The following RGS12 variants were observed in gnomAD, a reference collection of about 807,000 sequenced individuals.
RGS12 encodes the protein regulator of G-protein signaling 12.
In RGS12, 66 loss-of-function variants were observed where a neutral mutation model predicts 120.1. The observed-to-expected ratio is 0.55, with a 90% CI of 0.45 to 0.67. The LOEUF (loss-of-function observed/expected upper bound fraction) is 0.67. Among genes scored for constraint, RGS12 ranks in the 30% least tolerant of loss-of-function variants. RGS12 has a pLI of 0.00. For missense variants in RGS12, 1,859 were observed against 1,957.7 expected, an observed-to-expected ratio of 0.95 and a Z score of 0.95; for synonymous variants, 827 against 804.7, an observed-to-expected ratio of 1.03 and a Z score of -0.47.
At chr4:3,423,918 A>C (rs1300752183) in intron 13 of RGS12, 1 of 378,562 alleles carries the variant, frequency 2.6e-6, no homozygotes, top group African/African-American at 2.1e-5. Flanking sequence ...GAAACAAAGC[A>C]ACCAACCCTG....
chr4:3,320,093 G>A (rs2108684895), intron 2 of RGS12, among the ~76,000 whole-genome samples: 1 of 152,374 alleles, frequency 6.6e-6, no homozygotes, highest in South Asian at 2.1e-4. Context: ...TGTTTATGTG[G>A]TTCTTTGTGG....
chr4:3,375,384 T>C (rs958572738), intron 3 of RGS12, among the ~76,000 whole-genome samples: 2 of 66,888 alleles, frequency 3.0e-5, no homozygotes, highest in African/African-American at 4.9e-5. Context: ...AGCCCTCATC[T>C]CCAGCCTCAT....
rs201045586 is a variant in RGS12 at position 3,317,841 on chromosome 4, C to A, written c.1671C>A (p.Tyr557Ter). Residue 557 changes from tyrosine (Y) to a stop codon, truncating the protein, a stop_gained, in exon 2 of 18, where the codon TAC (tyrosine) becomes TAA (stop). Transcript: ENST00000336727. LOFTEE classifies it high-confidence loss of function. ...QCGHTSDQDS[Y>*]TDSTDGWSSI... ...GACACACCAGCGACCAGGACTCTTA[C>A]ACAGATTCCACCGATGGCTGGTCCA... 6.2e-7 allele frequency: 1 copy of A among 1,613,512 alleles called. No individual in the cohort carries two copies. The highest frequency in any genetic ancestry group is 8.5e-7 in the Non-Finnish European group (1 of 1,179,884).
chr4:3,432,394 C>G (rs1015380281), intron 17 of RGS12: 16 of 177,850 alleles, frequency 9.0e-5, no homozygotes, highest in Admixed American at 2.6e-4. Flanking sequence ...AGCAGAAGAG[C>G]TGGTGGCCCG....
chr4:3,396,406 A>G lies in RGS12; in HGVS notation c.2020+9969A>G, dbSNP rs149120137. 6.4e-4 allele frequency among the ~76,000 whole-genome samples: 97 copies of G among 152,288 alleles called. 1 individual carries two copies. The highest frequency in any genetic ancestry group is 1.6e-3 in the Admixed American group (25 of 15,300). On this transcript the variant is annotated intron_variant, in intron 4 of 17. Coordinates refer to ENST00000336727, the MANE Select transcript of RGS12 (RefSeq NM_001394154.1). ...CATGAAAGTAAATCTGTTTTGTTTTATCTTCAATATTTAAATCTCTGATTC... is the reference window on the plus strand; with the variant it reads ...CATGAAAGTAAATCTGTTTTGTTTTGTCTTCAATATTTAAATCTCTGATTC...
chr4:3,329,470 C>T (rs992048999), intron 2 of RGS12, among the ~76,000 whole-genome samples: 1 of 152,060 alleles, frequency 6.6e-6, no homozygotes, highest in African/African-American at 2.4e-5. Flanking sequence ...CCAGGCCAGG[C>T]AGTGGGAGAA....
In RGS12 at chr4:3,439,719, G is replaced by C; in HGVS notation, c.*35G>C. ...GCCTGGCCAACTCTCCTGTGGACAT[G>C]TCGGGGTGGGGCAGCCCAGGTGGAT... On this transcript the variant is annotated 3_prime_UTR_variant, in exon 18 of 18. Coordinates refer to ENST00000336727, the MANE Select transcript of RGS12 (RefSeq NM_001394154.1). 2.7e-6 allele frequency: 4 copies of C among 1,455,630 alleles called. No individual in the cohort carries two copies. The Middle Eastern group carries it at 7.4e-4, about 269-fold the overall frequency. 90.2% of individuals were successfully genotyped at this position (1,455,630 alleles called of 1,614,324 possible). A position where few individuals can be genotyped will look rare whatever the true frequency, so the allele number is the denominator to read the frequency against.
intron 7 of RGS12, 105 bp downstream of exon 7, chr4:3,416,226 GC>G: frequency 7.6e-7 from 1 of 1,319,236 alleles, no homozygotes; most frequent in Non-Finnish European, 1.0e-6. Context: ...TGGATCGAGA[GC>G]ATCACAGACG....
chr4:3,306,663 C>T (rs992335987), intron 1 of RGS12, among the ~76,000 whole-genome samples: 14 of 152,150 alleles, frequency 9.2e-5, no homozygotes, highest in Non-Finnish European at 1.3e-4. Flanking sequence ...CTGCACAGGG[C>T]CTGGGGAGGC....
intron 3 of RGS12, among the ~76,000 whole-genome samples, chr4:3,363,774 C>T (rs1389100010): frequency 6.6e-6 from 1 of 152,032 alleles, no homozygotes; most frequent in Non-Finnish European, 1.5e-5. Context: ...AGTGGGGTCA[C>T]CAGAGTGAAG....
At chr4:3,425,275 T>C (rs1441196769) in intron 13 of RGS12, among the ~76,000 whole-genome samples, 189 bp from the exon 14 acceptor site, 1 of 151,940 alleles carries the variant, frequency 6.6e-6, no homozygotes, top group African/African-American at 2.4e-5. Context: ...GGTCGTGTAG[T>C]CGGGACCCAT....
intron 4 of RGS12, among the ~76,000 whole-genome samples, chr4:3,396,806 CT>C (rs1720083893): frequency 6.6e-6 from 1 of 152,130 alleles, no homozygotes; most frequent in African/African-American, 2.4e-5. Context: ...GTCATCTTCA[CT>C]TTTGTCCAAG....
chr4:3,393,612 CTG>C (rs1719733080), intron 4 of RGS12, among the ~76,000 whole-genome samples: 1 of 152,204 alleles, frequency 6.6e-6, no homozygotes. Flanking sequence ...CTTCTGGTGA[CTG>C]TGGTCCAATT....
Position 3,317,850 on chromosome 4 carries a change from C to T in RGS12, c.1680C>T (p.Ser560=). ...HTSDQDSYTD[S]TDGWSSINCG... is the part of the protein sequence containing the mutation. Reference sequence around the variant, plus strand: ...GCGACCAGGACTCTTACACAGATTCCACCGATGGCTGGTCCAGCATCAACT... The same window carrying T: ...GCGACCAGGACTCTTACACAGATTCTACCGATGGCTGGTCCAGCATCAACT... The change falls in exon 2 of 18, where the codon TCC becomes TCT. Residue 560 remains serine (S), a synonymous_variant. Transcript: ENST00000336727. The T allele has an allele frequency of 1.2e-6, 2 of 1,613,602 alleles. No homozygotes were observed. Among genetic ancestry groups the T allele is most frequent in the South Asian group, 2.2e-5 (2 of 91,012 alleles).
At chr4:3,331,391 T>C (rs990211424) in intron 2 of RGS12, among the ~76,000 whole-genome samples, 3 of 152,020 alleles carry the variant, frequency 2.0e-5, no homozygotes, top group Non-Finnish European at 2.9e-5. Flanking sequence ...TATGAACATA[T>C]TTACTAAAAA....
chr4:3,341,776 G>T (rs1262621605), intron 2 of RGS12, among the ~76,000 whole-genome samples: 2 of 102,834 alleles, frequency 1.9e-5, no homozygotes, highest in Non-Finnish European at 4.1e-5. Context: ...GAGATGGTGT[G>T]GGGGGAGGGA....
chr4:3,347,420 G>A (rs538027941), intron 3 of RGS12, among the ~76,000 whole-genome samples: 1,885 of 152,260 alleles, frequency 0.012, 51 homozygotes, highest in African/African-American at 0.041. Flanking sequence ...CTCCAGCCTA[G>A]GCAACAGAGT....
At chr4:3,330,309 T>C (rs944546536) in intron 2 of RGS12, among the ~76,000 whole-genome samples, 2 of 152,210 alleles carry the variant, frequency 1.3e-5, no homozygotes, top group Non-Finnish European at 2.9e-5. Flanking sequence ...ATAAGGATTC[T>C]CCTGCTAGCA....
chr4:3,343,417 C>T (rs1252551644), intron 3 of RGS12, among the ~76,000 whole-genome samples: 3 of 152,108 alleles, frequency 2.0e-5, no homozygotes, highest in African/African-American at 4.8e-5. Context: ...TTGTGTGGCT[C>T]GTCTATCTGT....
Sources: allele counts gnomAD v4.1 joint callset (sites outside exome capture counted in the v4.1 genomes callset), GRCh38; gene constraint gnomAD v4.1.1; transcripts MANE v1.5; gene names NCBI Gene and HGNC (gene_info 2026-07-23, HGNC 2026-07-21).